B3GALT1: variants seen among roughly 807,000 people sequenced by gnomAD.
B3GALT1 encodes the protein beta-1,3-galactosyltransferase 1.
Under a neutral mutation model 23.2 loss-of-function variants are expected in B3GALT1, and 10 were observed. The observed-to-expected ratio is 0.43, with a 90% CI of 0.27 to 0.73. The LOEUF is 0.73. B3GALT1 is among the 30% of genes least tolerant of loss of function. The pLI, the probability that B3GALT1 is intolerant of heterozygous loss-of-function variation, is 0.21. For synonymous variants in B3GALT1, 156 were observed against 141.5 expected (o/e 1.10, Z -0.73); for missense variants, 299 against 405.4 (o/e 0.74, Z 2.25).
intron 4 of B3GALT1, among the ~76,000 whole-genome samples, chr2:167,864,719 G>C (rs1045579450): frequency 1.3e-5 from 2 of 152,166 alleles, no homozygotes; most frequent in African/African-American, 4.8e-5. Flanking sequence ...CTCACTAGCT[G>C]TGTGATCTTG....
At chr2:167,417,662 C>G (rs1488717812) in intron 1 of B3GALT1, among the ~76,000 whole-genome samples, 1 of 152,092 alleles carries the variant, frequency 6.6e-6, no homozygotes, top group African/African-American at 2.4e-5. Context: ...ACTCATTGGC[C>G]CACCACTAAG....
chr2:167,365,587 C>CAT (rs1206393217), intron 1 of B3GALT1, among the ~76,000 whole-genome samples: 9 of 109,872 alleles, frequency 8.2e-5, no homozygotes, highest in Non-Finnish European at 1.8e-5. Context: ...GATACAAATA[C>CAT]ACACACACAC....
intron 2 of B3GALT1, among the ~76,000 whole-genome samples, chr2:167,612,183 C>G (rs994457723): frequency 3.3e-5 from 5 of 151,782 alleles, no homozygotes; most frequent in Non-Finnish European, 5.9e-5. Flanking sequence ...AGAAAATTAC[C>G]AGTTTCTTTG....
At chr2:167,695,198 A>G (rs944927996) in intron 3 of B3GALT1, among the ~76,000 whole-genome samples, 8 of 152,058 alleles carry the variant, frequency 5.3e-5, no homozygotes, top group Non-Finnish European at 1.0e-4. Context: ...CTTATTCTCA[A>G]ATTCAGTTCA....
chr2:167,803,027 C>T (rs752085947), intron 3 of B3GALT1, among the ~76,000 whole-genome samples: 6 of 150,418 alleles, frequency 4.0e-5, no homozygotes, highest in Non-Finnish European at 7.4e-5. Context: ...TGTGAGGTAA[C>T]TTGAGGAAAT....
At chr2:167,386,848 T>G (rs1403127298) in intron 1 of B3GALT1, among the ~76,000 whole-genome samples, 1 of 152,192 alleles carries the variant, frequency 6.6e-6, no homozygotes, top group Non-Finnish European at 1.5e-5. Context: ...ACTTAAACCA[T>G]TTTTCCCCAA....
rs1043052763 is a variant in B3GALT1 at position 167,747,017 on chromosome 2, C to T, written c.-351-71655C>T. ...CGCTCCCTTTCTGCTTTTCTTTCTT[C>T]CCCTTCCCCATATCGTACCTCCAAC... On this transcript the variant is annotated intron_variant, in intron 3 of 4. Coordinates refer to ENST00000392690, the MANE Select transcript of B3GALT1 (RefSeq NM_020981.4). 4.6e-5 allele frequency among the ~76,000 whole-genome samples: 7 copies of T among 152,280 alleles called. No individual in the cohort carries two copies. In the South Asian group the frequency reaches 1.0e-3, roughly 23 times the overall value.
At chr2:167,439,522 T>C (rs1489714761) in intron 1 of B3GALT1, among the ~76,000 whole-genome samples, 1 of 152,132 alleles carries the variant, frequency 6.6e-6, no homozygotes, top group Non-Finnish European at 1.5e-5. Context: ...TTATTATTGC[T>C]ATATTTTTCT....
intron 3 of B3GALT1, among the ~76,000 whole-genome samples, chr2:167,756,966 A>G (rs1258650486): frequency 6.6e-6 from 1 of 152,292 alleles, no homozygotes; most frequent in African/African-American, 2.4e-5. Flanking sequence ...GGGGTTCTCA[A>G]GTCCTCAAGT....
At chr2:167,783,779 G>T (rs1688289722) in intron 3 of B3GALT1, among the ~76,000 whole-genome samples, 1 of 152,144 alleles carries the variant, frequency 6.6e-6, no homozygotes, top group Non-Finnish European at 1.5e-5. Flanking sequence ...GCCAAGTCCT[G>T]CAGTCAGGTG....
At chr2:167,342,001 G>A (rs1404409082) in intron 1 of B3GALT1, among the ~76,000 whole-genome samples, 1 of 152,134 alleles carries the variant, frequency 6.6e-6, no homozygotes, top group Admixed American at 6.5e-5. Flanking sequence ...TCTTAGCCCA[G>A]TTTATTTTGA....
chr2:167,838,547 C>A (rs879725954), intron 4 of B3GALT1, among the ~76,000 whole-genome samples: 1 of 152,284 alleles, frequency 6.6e-6, no homozygotes, highest in East Asian at 1.9e-4. Context: ...AGCTTACCGA[C>A]CATAAAGAGT....
intron 4 of B3GALT1, among the ~76,000 whole-genome samples, chr2:167,844,430 A>G (rs1689713131): frequency 6.6e-6 from 1 of 152,192 alleles, no homozygotes; most frequent in African/African-American, 2.4e-5. Context: ...GAGTGCCCCA[A>G]CTGCGGTAGT....
chr2:167,727,126 A>G (rs1687330205), intron 3 of B3GALT1, among the ~76,000 whole-genome samples: 1 of 152,028 alleles, frequency 6.6e-6, no homozygotes, highest in Admixed American at 6.5e-5. Context: ...GCTTAGAGAT[A>G]CCATTAATGT....
intron 1 of B3GALT1, among the ~76,000 whole-genome samples, chr2:167,322,667 A>C (rs1442633200): frequency 6.6e-6 from 1 of 152,014 alleles, no homozygotes; most frequent in Non-Finnish European, 1.5e-5. Context: ...GATTCTTATC[A>C]ATTTCCTTGA....
In B3GALT1 at chr2:167,873,025, G is replaced by A. The variant is rs1574313936; in HGVS notation, c.*3005G>A. The A allele has an allele frequency of 6.6e-6, 1 of 151,984 alleles. No homozygotes were observed. Among genetic ancestry groups the A allele is most frequent in the Non-Finnish European group, 1.5e-5 (1 of 67,982 alleles). 9.4% of individuals were successfully genotyped at this position (151,984 alleles called of 1,614,324 possible). A position where few individuals can be genotyped will look rare whatever the true frequency, so the allele number is the denominator to read the frequency against. ...TGATCAAGAAAAAGCTCTAACTTTCGACTTTTGTTAATTTTATGACATGAC... is the reference window on the plus strand; with the variant it reads ...TGATCAAGAAAAAGCTCTAACTTTCAACTTTTGTTAATTTTATGACATGAC... On this transcript the variant is annotated 3_prime_UTR_variant, in exon 5 of 5. Transcript: ENST00000392690.
chr2:167,702,722 G>T (rs935710051), intron 3 of B3GALT1, among the ~76,000 whole-genome samples: 1 of 152,148 alleles, frequency 6.6e-6, no homozygotes, highest in Non-Finnish European at 1.5e-5. Context: ...AACGGAAACA[G>T]TGTTACTTGA....
intron 2 of B3GALT1, among the ~76,000 whole-genome samples, chr2:167,613,522 T>C (rs1384503405): frequency 6.6e-6 from 1 of 151,652 alleles, no homozygotes; most frequent in Non-Finnish European, 1.5e-5. Context: ...AACTACTCAT[T>C]GTCTCCTGTT....
chr2:167,685,629 G>A (rs1223548339), intron 3 of B3GALT1, among the ~76,000 whole-genome samples: 14 of 152,138 alleles, frequency 9.2e-5, no homozygotes, highest in Non-Finnish European at 1.8e-4. Flanking sequence ...GTAGAGAATA[G>A]AGAGTGATGC....
Sources: allele counts gnomAD v4.1 joint callset (sites outside exome capture counted in the v4.1 genomes callset), GRCh38; gene constraint gnomAD v4.1.1; transcripts MANE v1.5; gene names NCBI Gene and HGNC (gene_info 2026-07-23, HGNC 2026-07-21).